ARSG: variants seen among roughly 807,000 people sequenced by gnomAD.
ARSG encodes ASG.
A neutral mutation model predicts 50.5 loss-of-function variants in ARSG; 37 were observed. The observed-to-expected ratio is 0.73, with a 90% CI of 0.56 to 0.96. ARSG has a LOEUF of 0.96. ARSG is among the 50% of genes least tolerant of loss of function. The pLI is 0.00. For synonymous variants in ARSG, 225 were observed against 254.6 expected (o/e 0.88, Z 1.11); for missense variants, 629 against 675.3 (o/e 0.93, Z 0.76).
downstream of ARSG, chr17:68,427,407 A>G: frequency 1.8e-6 from 1 of 553,878 alleles, no homozygotes; most frequent in Non-Finnish European, 3.1e-6. Context: ...CCCAGGCTGG[A>G]GTGCAGTGGC....
At chr17:68,443,850 C>T in the ARSG span, among the ~76,000 whole-genome samples, 1 of 152,192 alleles carries the variant, frequency 6.6e-6, no homozygotes, top group East Asian at 1.9e-4. Flanking sequence ...CTCACCCCAC[C>T]ACACAATGAA....
chr17:68,414,408 ATATGTT>A (rs2082242294), intron 11 of ARSG, among the ~76,000 whole-genome samples: 1 of 151,912 alleles, frequency 6.6e-6, no homozygotes, highest in Non-Finnish European at 1.5e-5. Flanking sequence ...TATCTTTTTG[ATATGTT>A]GTTGGATTCA....
chr17:68,298,564 C>T (rs1728376476), intron 1 of ARSG, among the ~76,000 whole-genome samples: 1 of 134,348 alleles, frequency 7.4e-6, no homozygotes, highest in Non-Finnish European at 1.5e-5. Context: ...TACTGCCCTC[C>T]AGCCTGGGTG....
At chr17:68,436,378 T>C in the ARSG span, 1 of 1,613,550 alleles carries the variant, frequency 6.2e-7, no homozygotes, top group Non-Finnish European at 8.5e-7. Flanking sequence ...CACCGTCAAC[T>C]TACCAGGGAG....
chr17:68,379,329 C>T (rs1408798964), intron 8 of ARSG, among the ~76,000 whole-genome samples: 1 of 151,936 alleles, frequency 6.6e-6, no homozygotes, highest in Admixed American at 6.6e-5. Context: ...CAGCCTTGAC[C>T]TCCGGGGCTC....
chr17:68,420,402 A>T lies in ARSG; in HGVS notation c.1517A>T (p.Asp506Val). The T allele has an allele frequency of 6.2e-7, 1 of 1,614,026 alleles. No individual in the cohort carries two copies. Among genetic ancestry groups the T allele is most frequent in the Non-Finnish European group, 8.5e-7 (1 of 1,179,998 alleles). ...DNISSADYTQDPSVTPCCNPY... is the reference protein window; with the variant it reads ...DNISSADYTQVPSVTPCCNPY... ...ATCTCCAGCGCAGATTACACTCAGGACCCTTCAGTAACTCCCTGCTGTAAT... is the reference window on the plus strand; with the variant it reads ...ATCTCCAGCGCAGATTACACTCAGGTCCCTTCAGTAACTCCCTGCTGTAAT... The change falls in exon 12 of 12, where the codon GAC becomes GTC. Residue 506 changes from aspartate (D) to valine (V), a missense_variant. Physicochemically the swap from Asp to Val is radical, Grantham distance 152. Transcript: ENST00000621439.
chr17:68,450,865 G>C, the ARSG span: 1 of 1,613,894 alleles, frequency 6.2e-7, no homozygotes, highest in Non-Finnish European at 8.5e-7. Context: ...CTGGAGAAGA[G>C]GCGCTCCACG....
In ARSG at chr17:68,343,767, G is replaced by C; in HGVS notation, c.382G>C (p.Ala128Pro). ...ETTLAEVLQQ[A>P]GYVTGIIGKW... Reference sequence around the variant, plus strand: ...CACCTTGGCAGAGGTGCTGCAGCAGGCGGGTTACGTCACTGGGATAATAGG... The same window carrying C: ...CACCTTGGCAGAGGTGCTGCAGCAGCCGGGTTACGTCACTGGGATAATAGG... The change falls in exon 3 of 12, where the codon GCG (alanine) becomes CCG (proline). Residue 128 changes from alanine (A) to proline (P), a missense_variant. Physicochemically the swap from Ala to Pro is conservative, Grantham distance 27. Coordinates refer to ENST00000621439, the MANE Select transcript of ARSG (RefSeq NM_001267727.2). 1 of 1,613,782 alleles carries C rather than the reference G, an allele frequency of 6.2e-7. No individual in the cohort carries two copies. Among genetic ancestry groups the C allele is most frequent in the South Asian group, 1.1e-5 (1 of 91,060 alleles).
intron 3 of ARSG, among the ~76,000 whole-genome samples, chr17:68,346,078 G>A (rs1294133840): frequency 6.6e-6 from 1 of 152,022 alleles, no homozygotes; most frequent in Admixed American, 6.6e-5. Flanking sequence ...GTTTTGCCAC[G>A]TTGCCCAGGC....
At position 68,343,601 on chromosome 17, in the gene ARSG, C is replaced by T; in HGVS notation, c.219-3C>T. 4.4e-6 allele frequency: 7 copies of T among 1,603,732 alleles called. No individual in the cohort carries two copies. Among genetic ancestry groups the T allele is most frequent in the Non-Finnish European group, 6.0e-6 (7 of 1,173,478 alleles). On this transcript the variant is annotated splice_region_variant and splice_polypyrimidine_tract_variant and intron_variant, in intron 2 of 11. Coordinates refer to ENST00000621439, the MANE Select transcript of ARSG (RefSeq NM_001267727.2). Reference sequence around the variant, plus strand: ...GGTCCTGACCACTGTCCTTTCCCTGCAGGTTTGTGGATTTCCATGCAGCTG... The same window carrying T: ...GGTCCTGACCACTGTCCTTTCCCTGTAGGTTTGTGGATTTCCATGCAGCTG...
At chr17:68,343,480 T>A (rs1342851475) in intron 2 of ARSG, 124 bp from the exon 3 acceptor site, 2 of 1,013,214 alleles carry the variant, frequency 2.0e-6, no homozygotes, top group African/African-American at 3.2e-5. Context: ...CCTGACTTGT[T>A]CCATGACTGG....
chr17:68,417,831 C>T (rs1045053888), intron 11 of ARSG, among the ~76,000 whole-genome samples: 3 of 126,860 alleles, frequency 2.4e-5, no homozygotes, highest in African/African-American at 5.8e-5. Flanking sequence ...CCCAGGTTCA[C>T]GTGGTTCTCC....
intron 2 of ARSG, among the ~76,000 whole-genome samples, chr17:68,332,869 A>C (rs1389386301): frequency 6.6e-6 from 1 of 152,214 alleles, no homozygotes; most frequent in Non-Finnish European, 1.5e-5. Context: ...TAAAGAGACA[A>C]CACCAGTAAG....
chr17:68,395,149 G>A lies in ARSG; in HGVS notation c.1168G>A (p.Asp390Asn). The stretch of plus-strand genomic sequence containing the variant: ...TCAAGGACGGCGCTTTGATGGTGTG[G>A]ACGTCTCCGAGGTGCTCTTTGGCCG... ...LPQGRRFDGV[D>N]VSEVLFGRSQ... Residue 390 changes from aspartate to asparagine, a missense_variant, in exon 10 of 12, where the codon GAC becomes AAC. Transcript: ENST00000621439. 1 of 1,614,146 alleles carries A rather than the reference G, an allele frequency of 6.2e-7. No homozygotes were observed. The highest frequency in any genetic ancestry group is 8.5e-7 in the Non-Finnish European group (1 of 1,179,986).
At chr17:68,434,814 C>T in the ARSG span, among the ~76,000 whole-genome samples, 5 of 152,182 alleles carry the variant, frequency 3.3e-5, no homozygotes, top group Admixed American at 2.6e-4. Flanking sequence ...TATAAACACC[C>T]TCTGTCTACC....
At chr17:68,441,613 C>T in the ARSG span, among the ~76,000 whole-genome samples, 13 of 152,240 alleles carry the variant, frequency 8.5e-5, no homozygotes, top group Middle Eastern at 3.4e-3. Flanking sequence ...GTCACTGAAG[C>T]GCAGCTCTGA....
chr17:68,328,584 G>A (rs550527660), intron 2 of ARSG, among the ~76,000 whole-genome samples: 3 of 152,214 alleles, frequency 2.0e-5, no homozygotes, highest in Admixed American at 6.5e-5. Context: ...GTATAAACTC[G>A]TTGATGGAAA....
chr17:68,401,557 G>A, intron 11 of ARSG, 107 bp downstream of exon 11: 1 of 1,010,608 alleles, frequency 9.9e-7, no homozygotes, highest in South Asian at 1.6e-5. Flanking sequence ...CTCCTTTGTG[G>A]GGGGTTCTCA....
At chr17:68,270,230 T>C (rs2075291592) in intron 1 of ARSG, among the ~76,000 whole-genome samples, 1 of 152,134 alleles carries the variant, frequency 6.6e-6, no homozygotes, top group Non-Finnish European at 1.5e-5. Context: ...CCATGAGTTC[T>C]TGCCTAGCAT....
Sources: gnomAD v4.1 joint callset for allele counts (sites outside exome capture counted in the v4.1 genomes callset) on GRCh38, gnomAD v4.1.1 for gene constraint, MANE v1.5 for transcripts, NCBI Gene and HGNC (gene_info 2026-07-23, HGNC 2026-07-21) for gene names.